ARFGEF1: variants seen among roughly 807,000 people sequenced by gnomAD.
The protein encoded by ARFGEF1 is brefeldin A-inhibited guanine nucleotide-exchange protein 1.
In ARFGEF1, 42 loss-of-function variants were observed where a neutral mutation model predicts 231.0. The ratio of observed to expected loss-of-function variants is 0.18; its 90% confidence interval spans 0.14 to 0.24. The LOEUF is 0.24. ARFGEF1 is among the 10% of genes least tolerant of loss of function. The pLI, the probability that ARFGEF1 is intolerant of heterozygous loss-of-function variation, is 1.00. For synonymous variants in ARFGEF1, 710 were observed against 732.3 expected (o/e 0.97, Z 0.49); for missense variants, 1,345 against 2,192.0 (o/e 0.61, Z 7.72).
intron 7 of ARFGEF1, among the ~76,000 whole-genome samples, chr8:67,286,370 C>T (rs189551987): frequency 2.1e-4 from 32 of 152,232 alleles, no homozygotes; most frequent in Admixed American, 1.8e-3. Context: ...TGCAGAAAAA[C>T]GAAAACTTTC....
chr8:67,217,236 G>A (rs1279869465), intron 32 of ARFGEF1, among the ~76,000 whole-genome samples: 5 of 151,258 alleles, frequency 3.3e-5, no homozygotes, highest in Non-Finnish European at 7.4e-5. Context: ...CCCAAGAGGC[G>A]GAGGTTGTGG....
chr8:67,213,184 G>A (rs768772596), intron 33 of ARFGEF1, among the ~76,000 whole-genome samples: 11 of 152,168 alleles, frequency 7.2e-5, no homozygotes, highest in Admixed American at 2.0e-4. Flanking sequence ...AGTTTTAACC[G>A]TTGACAATTT....
In ARFGEF1 at chr8:67,238,347, C is replaced by T; in HGVS notation, c.3285G>A (p.Gly1095=). 1 of 1,605,818 alleles carries T rather than the reference C, an allele frequency of 6.2e-7. No individual in the cohort carries two copies. The highest frequency in any genetic ancestry group is 8.5e-7 in the Non-Finnish European group (1 of 1,177,784). ...ATACTTTGTAAAAATTCTCACCTAG[C>T]CCTAAACCCACAAATTCATCAGGAG... is the stretch of plus-strand genomic sequence containing the variant. The part of the protein sequence containing the change: ...DQAPDEFVGL[G]LVGGNVDWKQ... The change falls in exon 22 of 39, where the codon GGG becomes GGA. Residue 1095 remains glycine (G), a synonymous_variant. Transcript: ENST00000262215.
chr8:67,302,397 T>G, intron 2 of ARFGEF1, 39 bp downstream of exon 2: 1 of 1,532,856 alleles, frequency 6.5e-7, no homozygotes, highest in Non-Finnish European at 8.8e-7. Context: ...CTGACAAGTT[T>G]GAAAATTATT....
chr8:67,276,984 T>C (rs1460021537), intron 8 of ARFGEF1, among the ~76,000 whole-genome samples: 9 of 152,166 alleles, frequency 5.9e-5, no homozygotes, highest in African/African-American at 2.2e-4. Context: ...ATCTTGTGAA[T>C]ATGTAATAAG....
At chr8:67,203,783 C>T (rs913159980) in intron 35 of ARFGEF1, among the ~76,000 whole-genome samples, 22 of 152,210 alleles carry the variant, frequency 1.4e-4, no homozygotes, top group African/African-American at 5.3e-4. Context: ...CTTTTCTTCC[C>T]ATCTCAGTGA....
intron 1 of ARFGEF1, among the ~76,000 whole-genome samples, chr8:67,335,788 T>C (rs1393381092): frequency 6.6e-6 from 1 of 151,830 alleles, no homozygotes; most frequent in Non-Finnish European, 1.5e-5. Context: ...GCACTGTCTC[T>C]CGGGCTGGAG....
At chr8:67,265,649 T>C (rs1804821789) in intron 14 of ARFGEF1, among the ~76,000 whole-genome samples, 1 of 151,932 alleles carries the variant, frequency 6.6e-6, no homozygotes, top group South Asian at 2.1e-4. Context: ...TATAAAGGAG[T>C]ACTGATAGCT....
At chr8:67,228,166 C>T in intron 24 of ARFGEF1, 34 bp from the exon 25 acceptor site, 1 of 1,606,552 alleles carries the variant, frequency 6.2e-7, no homozygotes, top group African/African-American at 1.3e-5. Context: ...TTTAGCTCAA[C>T]ATTAAAGTTA....
chr8:67,197,390 A>G (rs528247657), downstream of ARFGEF1, among the ~76,000 whole-genome samples: 1 of 152,300 alleles, frequency 6.6e-6, no homozygotes, highest in Non-Finnish European at 1.5e-5. Flanking sequence ...TTGAGGCTAC[A>G]GTGAGCTGTG....
chr8:67,209,415 G>A (rs1240071597), intron 34 of ARFGEF1, among the ~76,000 whole-genome samples: 1 of 151,780 alleles, frequency 6.6e-6, no homozygotes, highest in Non-Finnish European at 1.5e-5. Context: ...GCCAGGGGCT[G>A]GGGAAGAGGA....
At chr8:67,235,325 T>C (rs1839692092) in intron 22 of ARFGEF1, among the ~76,000 whole-genome samples, 1 of 151,882 alleles carries the variant, frequency 6.6e-6, no homozygotes, top group Non-Finnish European at 1.5e-5. Flanking sequence ...GGGTGTTAGC[T>C]CAAGAAAGGC....
rs575787069 is a variant in ARFGEF1, at chr8:67,317,924, C to A, written c.125-15458G>T. 3.3e-4 allele frequency among the ~76,000 whole-genome samples: 50 copies of A among 149,476 alleles called. No homozygotes were observed. The East Asian group carries it at 9.7e-3, about 29-fold the overall frequency. ...AAAAAAAAAAAAAAAAAAAGTCAAC[C>A]CCTGTAATCTACCATAGAAATAGGC... On this transcript the variant is annotated intron_variant, in intron 1 of 38. Coordinates refer to ENST00000262215, the MANE Select transcript of ARFGEF1 (RefSeq NM_006421.5).
intron 14 of ARFGEF1, among the ~76,000 whole-genome samples, 161 bp from the exon 15 acceptor site, chr8:67,260,087 T>C (rs1351126969): frequency 6.6e-6 from 1 of 152,228 alleles, no homozygotes; most frequent in Non-Finnish European, 1.5e-5. Flanking sequence ...GTGCCAAGTT[T>C]TCTTTATTCT....
intron 19 of ARFGEF1, among the ~76,000 whole-genome samples, chr8:67,243,177 C>A (rs1839983603): frequency 6.6e-6 from 1 of 152,196 alleles, no homozygotes; most frequent in African/African-American, 2.4e-5. Flanking sequence ...CTGCAAGTAA[C>A]CCACCGTTAC....
At chr8:67,207,591 G>A (rs965885206) in intron 34 of ARFGEF1, among the ~76,000 whole-genome samples, 1 of 152,216 alleles carries the variant, frequency 6.6e-6, no homozygotes. Context: ...ACACAACAGA[G>A]AGCAAAGCTA....
In ARFGEF1 at chr8:67,198,705, A is replaced by G. The variant is rs1027416927; in HGVS notation, c.*229T>C. 1.0e-5 allele frequency: 13 copies of G among 1,282,070 alleles called. No homozygotes were observed. The highest frequency in any genetic ancestry group is 1.6e-5 in the African/African-American group (1 of 63,644). 79.4% of individuals were successfully genotyped at this position (1,282,070 alleles called of 1,614,324 possible). ...GAAGGACCCGTGAGCATGAGCTGAC[A>G]CTGTTTAAACAGGCTTTCTGCTCAA... On this transcript the variant is annotated 3_prime_UTR_variant, in exon 39 of 39. Transcript: ENST00000262215.
chr8:67,267,054 T>C (rs780430151), intron 12 of ARFGEF1, 37 bp downstream of exon 12: 1 of 1,609,574 alleles, frequency 6.2e-7, no homozygotes, highest in Admixed American at 1.7e-5. Context: ...TCTTTCCTGG[T>C]AAAGTTTAAA....
At chr8:67,322,806 A>G (rs552203130) in intron 1 of ARFGEF1, among the ~76,000 whole-genome samples, 50 of 152,324 alleles carry the variant, frequency 3.3e-4, no homozygotes, top group South Asian at 1.7e-3. Flanking sequence ...TCCAGTTATT[A>G]CTATCACTAC....
Sources: gnomAD v4.1 joint callset for allele counts (sites outside exome capture counted in the v4.1 genomes callset) on GRCh38, gnomAD v4.1.1 for gene constraint, MANE v1.5 for transcripts, NCBI Gene and HGNC (gene_info 2026-07-23, HGNC 2026-07-21) for gene names.